The following GNAL variants were observed in gnomAD, a reference collection of about 807,000 sequenced individuals.
GNAL encodes the protein guanine nucleotide-binding protein G(olf) subunit alpha.
Under a neutral mutation model 55.1 loss-of-function variants are expected in GNAL, and 18 were observed. That is an observed-to-expected ratio of 0.33 (90% confidence interval 0.23 to 0.48). The LOEUF (loss-of-function observed/expected upper bound fraction) is 0.48, where lower values mean the gene tolerates loss of function less well. Ranked by LOEUF, GNAL falls within the 20% of genes least tolerant of loss-of-function variation. The pLI is 0.99. For synonymous variants in GNAL, 253 were observed against 237.0 expected (o/e 1.07, Z -0.62); for missense variants, 412 against 614.1 (o/e 0.67, Z 3.48).
intron 4 of GNAL, among the ~76,000 whole-genome samples, chr18:11,788,914 A>AAAAAAAAATATATAT (rs60071996): frequency 7.1e-5 from 4 of 56,292 alleles, no homozygotes; most frequent in African/African-American, 3.0e-4. Context: ...AAAAAAAAAA[A>AAAAAAAAATATATAT]ATATATATAT....
chr18:11,866,646 GA>G (rs1979307520), intron 7 of GNAL, among the ~76,000 whole-genome samples: 1 of 150,274 alleles, frequency 6.7e-6, no homozygotes, highest in Non-Finnish European at 1.5e-5. Flanking sequence ...GCGTGATCAA[GA>G]CCCAGTGCAG....
rs562651109 is a variant in GNAL, at chr18:11,754,882, A to G, written c.624+937A>G. Among the ~76,000 whole-genome samples, 10 of 152,314 alleles carry G rather than the reference A, an allele frequency of 6.6e-5. No individual in the cohort carries two copies. The South Asian group carries it at 2.1e-3, about 32-fold the overall frequency. ...AGTTTTCTCTCATTTTTCAGAATAT[A>G]CATTTCTTTAAAATATTTGGTCATT... is the stretch of plus-strand genomic sequence containing the variant. On this transcript the variant is annotated intron_variant, in intron 4 of 11. Coordinates refer to ENST00000334049, the MANE Select transcript of GNAL (RefSeq NM_182978.4).
intron 4 of GNAL, among the ~76,000 whole-genome samples, chr18:11,759,801 G>T (rs1483073278): frequency 6.6e-6 from 1 of 152,234 alleles, no homozygotes; most frequent in Non-Finnish European, 1.5e-5. Context: ...TCTCCAGAAT[G>T]CGGTCAGATT....
chr18:11,715,175 C>CT (rs1384501936), intron 1 of GNAL, among the ~76,000 whole-genome samples: 114 of 148,926 alleles, frequency 7.7e-4, no homozygotes, highest in African/African-American at 2.8e-3. Flanking sequence ...GAAAAGATAA[C>CT]AAGGCCGGGC....
At chr18:11,726,767 C>T (rs2143424436) in intron 1 of GNAL, among the ~76,000 whole-genome samples, 1 of 152,262 alleles carries the variant, frequency 6.6e-6, no homozygotes, top group Admixed American at 6.5e-5. Context: ...TGAGATTCAC[C>T]ATCAAAAACA....
At position 11,753,810 on chromosome 18, in the gene GNAL, T is replaced by C; in HGVS notation, c.505-16T>C. The C allele has an allele frequency of 5.6e-6, 9 of 1,599,326 alleles. No homozygotes were observed. The highest frequency in any genetic ancestry group is 7.7e-6 in the Non-Finnish European group (9 of 1,167,284). ...CCTAAATGTTTATCCATATTTTTTT[T>C]CTTATTCCATTTTAGACAATTGTTT... On this transcript the variant is annotated splice_polypyrimidine_tract_variant and intron_variant, in intron 3 of 11. Coordinates refer to ENST00000334049, the MANE Select transcript of GNAL (RefSeq NM_182978.4).
chr18:11,830,282 C>CTTTTTTTTTTT (rs71172023), intron 5 of GNAL, among the ~76,000 whole-genome samples: 1 of 99,218 alleles, frequency 1.0e-5, no homozygotes, highest in African/African-American at 4.0e-5. Flanking sequence ...AGAATTGCAT[C>CTTTTTTTTTTT]TTTTTTTTTT....
At chr18:11,741,463 A>G (rs1047234819) in intron 1 of GNAL, among the ~76,000 whole-genome samples, 1 of 152,232 alleles carries the variant, frequency 6.6e-6, no homozygotes, top group African/African-American at 2.4e-5. Context: ...TAACCACACA[A>G]ACTCCTCTGT....
intron 1 of GNAL, among the ~76,000 whole-genome samples, chr18:11,721,909 TAAATA>T (rs1190962072): frequency 7.0e-6 from 1 of 143,116 alleles, no homozygotes; most frequent in Non-Finnish European, 1.5e-5. Flanking sequence ...AATAAATAAA[TAAATA>T]AATAAATAAA....
At chr18:11,799,285 G>A in intron 4 of GNAL, among the ~76,000 whole-genome samples, 1 of 152,110 alleles carries the variant, frequency 6.6e-6, no homozygotes, top group South Asian at 2.1e-4. Flanking sequence ...CAGCCCAGAA[G>A]CACTGTGAGT....
chr18:11,879,393 T>C (rs1050748512), intron 11 of GNAL, among the ~76,000 whole-genome samples: 2 of 152,056 alleles, frequency 1.3e-5, no homozygotes, highest in Non-Finnish European at 2.9e-5. Context: ...TGTCTAAGTC[T>C]GCCCGGGCTG....
chr18:11,741,514 G>A (rs1326528430), intron 1 of GNAL, among the ~76,000 whole-genome samples: 1 of 152,228 alleles, frequency 6.6e-6, no homozygotes, highest in Non-Finnish European at 1.5e-5. Flanking sequence ...GAACTTGACT[G>A]CAGGTCCATC....
chr18:11,768,980 A>C (rs1270779919), intron 4 of GNAL, among the ~76,000 whole-genome samples: 1 of 110,252 alleles, frequency 9.1e-6, no homozygotes. Flanking sequence ...TATATATATT[A>C]TATATTCTAT....
intron 1 of GNAL, among the ~76,000 whole-genome samples, chr18:11,717,626 G>T (rs1202665981): frequency 6.6e-6 from 1 of 152,166 alleles, no homozygotes; most frequent in Non-Finnish European, 1.5e-5. Context: ...AAAAGAACGA[G>T]GTCATGTCCT....
chr18:11,694,505 G>A (rs533875705), intron 1 of GNAL, among the ~76,000 whole-genome samples: 14 of 152,304 alleles, frequency 9.2e-5, no homozygotes, highest in South Asian at 2.1e-4. Flanking sequence ...GAAGCATGCC[G>A]TGGCTGGATT....
chr18:11,855,905 G>A (rs1404642131), intron 5 of GNAL, among the ~76,000 whole-genome samples: 2 of 151,118 alleles, frequency 1.3e-5, no homozygotes, highest in African/African-American at 4.9e-5. Context: ...CCGGGAGGTG[G>A]AGGTTGCGGT....
At chr18:11,838,693 G>A (rs1187657449) in intron 5 of GNAL, among the ~76,000 whole-genome samples, 1 of 152,206 alleles carries the variant, frequency 6.6e-6, no homozygotes, top group African/African-American at 2.4e-5. Flanking sequence ...GCCACGCATG[G>A]TGACAGTGTG....
intron 5 of GNAL, among the ~76,000 whole-genome samples, chr18:11,849,582 T>G (rs746423068): frequency 2.6e-5 from 4 of 151,862 alleles, no homozygotes; most frequent in Non-Finnish European, 5.9e-5. Context: ...GAAACTTGTT[T>G]GCAAACTCCA....
intron 4 of GNAL, among the ~76,000 whole-genome samples, chr18:11,802,277 G>T (rs2034541386): frequency 6.6e-6 from 1 of 152,136 alleles, no homozygotes; most frequent in Non-Finnish European, 1.5e-5. Context: ...TCTGTTTACG[G>T]AGTTCCTCAA....
Sources: allele counts gnomAD v4.1 joint callset (sites outside exome capture counted in the v4.1 genomes callset), GRCh38; gene constraint gnomAD v4.1.1; transcripts MANE v1.5; gene names NCBI Gene and HGNC (gene_info 2026-07-23, HGNC 2026-07-21).